The following NLGN1 variants were observed in gnomAD, a reference collection of about 807,000 sequenced individuals.
The protein encoded by NLGN1 is neuroligin-1.
In NLGN1, 12 loss-of-function variants were observed where a neutral mutation model predicts 65.5. The observed-to-expected ratio is 0.18, with a 90% CI of 0.12 to 0.30. The LOEUF (loss-of-function observed/expected upper bound fraction) is 0.30, where lower values mean the gene tolerates loss of function less well. Ranked by LOEUF, NLGN1 falls within the 10% of genes least tolerant of loss-of-function variation. The pLI is 1.00. For missense variants in NLGN1, 750 were observed against 1,007.1 expected (o/e 0.74, Z 3.46); for synonymous variants, 350 against 359.5 (o/e 0.97, Z 0.30).
intron 4 of NLGN1, among the ~76,000 whole-genome samples, chr3:173,884,005 ATTTACCTTTGCATTT>A (rs1373122075): frequency 6.6e-6 from 1 of 150,996 alleles, no homozygotes; most frequent in East Asian, 1.9e-4. Flanking sequence ...TTGAATACGT[ATTTACCTTTGCATTT>A]AGGGTAGGGT....
At chr3:173,485,374 A>C (rs2148985418) in intron 2 of NLGN1, among the ~76,000 whole-genome samples, 1 of 152,226 alleles carries the variant, frequency 6.6e-6, no homozygotes, top group South Asian at 2.1e-4. Context: ...ATAGCATAAT[A>C]ATTTAATTAA....
intron 1 of NLGN1, among the ~76,000 whole-genome samples, chr3:173,400,430 C>T (rs1243641935): frequency 3.3e-5 from 5 of 152,116 alleles, no homozygotes; most frequent in African/African-American, 7.2e-5. Context: ...CTTCTGAATT[C>T]ACTCTTTAGT....
chr3:173,940,747 C>T (rs1745939874), intron 4 of NLGN1, among the ~76,000 whole-genome samples: 1 of 152,046 alleles, frequency 6.6e-6, no homozygotes, highest in African/African-American at 2.4e-5. Flanking sequence ...CAATTTCTCC[C>T]CCAGTGATAT....
At chr3:174,272,371 A>C (rs1332484123) in intron 4 of NLGN1, among the ~76,000 whole-genome samples, 13 of 151,768 alleles carry the variant, frequency 8.6e-5, no homozygotes, top group Non-Finnish European at 1.9e-4. Flanking sequence ...AATGTACATC[A>C]CTTGAGTAAT....
At chr3:173,998,572 A>G (rs992240659) in intron 4 of NLGN1, among the ~76,000 whole-genome samples, 8 of 152,224 alleles carry the variant, frequency 5.3e-5, no homozygotes, top group African/African-American at 1.9e-4. Context: ...CTTGCCCACT[A>G]GGAATTTAAT....
At chr3:173,629,200 C>A (rs1755287496) in intron 3 of NLGN1, among the ~76,000 whole-genome samples, 1 of 151,754 alleles carries the variant, frequency 6.6e-6, no homozygotes, top group African/African-American at 2.4e-5. Flanking sequence ...ACAGGAGGAT[C>A]CAATTATTTC....
intron 4 of NLGN1, among the ~76,000 whole-genome samples, chr3:173,976,211 C>T (rs1717417637): frequency 6.6e-6 from 1 of 151,976 alleles, no homozygotes; most frequent in African/African-American, 2.4e-5. Flanking sequence ...CAAAATTTTG[C>T]ATATATTTTT....
intron 3 of NLGN1, among the ~76,000 whole-genome samples, chr3:173,748,106 C>T (rs1775792690): frequency 1.3e-5 from 2 of 151,914 alleles, no homozygotes. Context: ...GGCCTGAAAA[C>T]ATATATTTAG....
intron 1 of NLGN1, among the ~76,000 whole-genome samples, chr3:173,426,623 C>CATTTATTTATTT (rs3030741): frequency 6.6e-6 from 1 of 151,528 alleles, no homozygotes; most frequent in African/African-American, 2.4e-5. Flanking sequence ...TGCTATAGCA[C>CATTTATTTATTT]ATTTATTTAT....
intron 2 of NLGN1, among the ~76,000 whole-genome samples, chr3:173,475,788 TG>T (rs1009507716): frequency 3.3e-5 from 5 of 152,204 alleles, no homozygotes; most frequent in African/African-American, 1.2e-4. Context: ...ACAAAATTTT[TG>T]GATGTGATGT....
intron 4 of NLGN1, among the ~76,000 whole-genome samples, chr3:174,093,167 C>T (rs16833234): frequency 0.18 from 27,078 of 152,064 alleles, 2,612 homozygotes; most frequent in East Asian, 0.38. Context: ...TTGCATTAGC[C>T]GGAAAGGTAT....
At chr3:174,224,926 C>G (rs925904936) in intron 4 of NLGN1, among the ~76,000 whole-genome samples, 10 of 152,130 alleles carry the variant, frequency 6.6e-5, no homozygotes, top group African/African-American at 2.4e-4. Flanking sequence ...ACTGATGGGT[C>G]TAAATTTAGA....
intron 4 of NLGN1, among the ~76,000 whole-genome samples, chr3:173,809,348 G>A (rs1717386109): frequency 6.6e-6 from 1 of 152,074 alleles, no homozygotes; most frequent in South Asian, 2.1e-4. Flanking sequence ...CATTTTCATT[G>A]GAAGGAGGGT....
At chr3:173,564,188 G>GTTTT (rs1743260676) in intron 2 of NLGN1, among the ~76,000 whole-genome samples, 1 of 152,210 alleles carries the variant, frequency 6.6e-6, no homozygotes, top group Non-Finnish European at 1.5e-5. Context: ...CTACTCAAAA[G>GTTTT]AAGTTAGCTT....
intron 4 of NLGN1, among the ~76,000 whole-genome samples, chr3:174,017,375 G>A (rs1225903715): frequency 6.6e-6 from 1 of 152,156 alleles, no homozygotes; most frequent in Admixed American, 6.5e-5. Flanking sequence ...TTGCTGAGAT[G>A]TGTATAGTAA....
At chr3:173,491,635 T>G (rs2149013516) in intron 2 of NLGN1, among the ~76,000 whole-genome samples, 1 of 151,874 alleles carries the variant, frequency 6.6e-6, no homozygotes, top group Admixed American at 6.6e-5. Context: ...AATTAATATT[T>G]TTCTGGGTTT....
intron 4 of NLGN1, among the ~76,000 whole-genome samples, chr3:173,898,139 A>G (rs1736658529): frequency 6.6e-6 from 1 of 152,220 alleles, no homozygotes; most frequent in Admixed American, 6.5e-5. Context: ...TAACAATTCT[A>G]AATTTTGCTA....
Position 173,965,980 on chromosome 3 carries a change from T to C in NLGN1, c.646+158148T>C, listed in dbSNP as rs77901362. Among the ~76,000 whole-genome samples the C allele has an allele frequency of 7.2e-3, 1,075 of 148,840 alleles. 90 individuals carry two copies. The East Asian group carries it at 0.17, about 24-fold the overall frequency. On this transcript the variant is annotated intron_variant, in intron 4 of 6. Transcript: ENST00000457714. ...GACAGGTGTTAGCAGTACAAATATC[T>C]ATCTTTTAACCAGGCTTGTTGGTAT... is the stretch of plus-strand genomic sequence containing the variant.
intron 2 of NLGN1, among the ~76,000 whole-genome samples, chr3:173,440,855 T>G (rs894339616): frequency 1.6e-4 from 25 of 152,208 alleles, no homozygotes; most frequent in African/African-American, 6.0e-4. Flanking sequence ...AGTCTTTCTT[T>G]TGAAGCCTGC....
Sources: gnomAD v4.1 joint callset for allele counts (sites outside exome capture counted in the v4.1 genomes callset) on GRCh38, gnomAD v4.1.1 for gene constraint, MANE v1.5 for transcripts, NCBI Gene and HGNC (gene_info 2026-07-23, HGNC 2026-07-21) for gene names.